Variants in UBN1 observed in about 807,000 individuals in gnomAD.
UBN1 encodes ubinuclein 1, also known as ubinuclein-1.
UBN1 carries 17 observed loss-of-function variants against 108.5 expected under a neutral mutation model. The observed-to-expected ratio is 0.16, with a 90% CI of 0.11 to 0.24. The LOEUF is 0.24. UBN1 is among the 10% of genes least tolerant of loss of function. The probability of loss-of-function intolerance (pLI) is 1.00; values close to 1 mark genes in which losing one functional copy is unlikely to be tolerated. For missense variants in UBN1, 1,595 were observed against 1,394.4 expected (o/e 1.14, Z -2.29); for synonymous variants, 726 against 564.2 (o/e 1.29, Z -4.07).
intron 7 of UBN1, among the ~76,000 whole-genome samples, chr16:4,866,913 A>G (rs937057010): frequency 6.6e-6 from 1 of 152,192 alleles, no homozygotes; most frequent in African/African-American, 2.4e-5. Context: ...AAGCTTTGTG[A>G]TGTGTGGACG....
rs756246646 is a variant in UBN1 at position 4,859,897 on chromosome 16, AAAG to A, written c.609_611del (p.Lys205del). 1.9e-6 allele frequency: 3 copies of A among 1,614,154 alleles called. No individual in the cohort carries two copies. Among genetic ancestry groups the A allele is most frequent in the African/African-American group, 1.3e-5 (1 of 75,062 alleles). On this transcript the variant is annotated inframe_deletion, in exon 6 of 18. Transcript: ENST00000262376. Reference sequence around the variant, plus strand: ...AGTTGAAGGAAGGTGGTGAGAAGATAAAGAAGAAGAAAAAAGATGACACTTATG... The same window carrying A: ...AGTTGAAGGAAGGTGGTGAGAAGATAAAGAAGAAAAAAGATGACACTTATG...
chr16:4,875,710 G>A (rs1004171582), intron 15 of UBN1, among the ~76,000 whole-genome samples: 1 of 152,202 alleles, frequency 6.6e-6, no homozygotes, highest in Non-Finnish European at 1.5e-5. Flanking sequence ...GAGGCTGTCT[G>A]TGTGGCACAG....
chr16:4,866,287 C>G (rs1298875379), intron 7 of UBN1, among the ~76,000 whole-genome samples: 1 of 152,150 alleles, frequency 6.6e-6, no homozygotes. Context: ...GGATTTCACC[C>G]CTCTGGGCTT....
chr16:4,877,232 C>T lies in UBN1; in HGVS notation c.3265+121C>T, dbSNP rs569616785. 63 of 1,513,864 alleles carry T rather than the reference C, an allele frequency of 4.2e-5. No homozygotes were observed. The East Asian group carries it at 9.1e-4, about 22-fold the overall frequency. 93.8% of individuals were successfully genotyped at this position (1,513,864 alleles called of 1,614,324 possible). A position where few individuals can be genotyped will look rare whatever the true frequency, so the allele number is the denominator to read the frequency against. ...GGTGTGTGACTGTGGGGAACATCTC[C>T]GGGAACTGTGCCAAGCCCCCACTGC... is the stretch of plus-strand genomic sequence containing the variant. On this transcript the variant is annotated intron_variant, in intron 16 of 17. Transcript: ENST00000262376. The surrounding 1 kb of genome is among the most constrained non-coding windows in gnomAD (Gnocchi z 4.3).
chr16:4,870,811 T>A, intron 10 of UBN1, 33 bp from the exon 11 acceptor site: 1 of 1,612,308 alleles, frequency 6.2e-7, no homozygotes, highest in Non-Finnish European at 8.5e-7. Flanking sequence ...CAGGAGCACC[T>A]TGGGGCCCCA....
At chr16:4,860,633 T>G in intron 6 of UBN1, 31 bp from the exon 7 acceptor site, 1 of 1,587,376 alleles carries the variant, frequency 6.3e-7, no homozygotes, top group South Asian at 1.1e-5. Context: ...TGTCCTATAG[T>G]CTGAGTGACC....
intron 1 of UBN1, among the ~76,000 whole-genome samples, chr16:4,848,814 A>C (rs973404215): frequency 2.0e-5 from 3 of 152,208 alleles, no homozygotes; most frequent in Non-Finnish European, 4.4e-5. Context: ...AAAAACATGA[A>C]TCTTGGCCGG....
intron 10 of UBN1, 36 bp downstream of exon 10, chr16:4,870,670 C>T: frequency 6.2e-7 from 1 of 1,611,748 alleles, no homozygotes; most frequent in South Asian, 1.1e-5. Flanking sequence ...TGCAACCCTC[C>T]CGTCTTGCCT....
intron 1 of UBN1, among the ~76,000 whole-genome samples, chr16:4,848,765 A>G (rs2086353461): frequency 6.6e-6 from 1 of 152,246 alleles, no homozygotes; most frequent in African/African-American, 2.4e-5. Flanking sequence ...AAAAATTCTG[A>G]ATTTGTGAGG....
In UBN1 at chr16:4,853,029, T is replaced by C; in HGVS notation, c.112T>C (p.Cys38Arg). 1.2e-6 allele frequency: 2 copies of C among 1,614,248 alleles called. No individual in the cohort carries two copies. The highest frequency in any genetic ancestry group is 1.1e-5 in the South Asian group (1 of 91,090). Reference sequence around the variant, plus strand: ...TGGGGCAGGAGAACAGCATCAGGACTGTGAGCCGGCTGCAGCAGCTGTTCG... The same window carrying C: ...TGGGGCAGGAGAACAGCATCAGGACCGTGAGCCGGCTGCAGCAGCTGTTCG... ...EAGAGEQHQD[C>R]EPAAAAVRIT... The change falls in exon 2 of 18, where the codon TGT becomes CGT. Residue 38 changes from cysteine (C) to arginine (R), a missense_variant. Cys to Arg is a radical substitution (Grantham distance 180). Coordinates refer to ENST00000262376, the MANE Select transcript of UBN1 (RefSeq NM_001079514.3).
intron 5 of UBN1, among the ~76,000 whole-genome samples, chr16:4,859,427 C>T (rs1042236717): frequency 2.0e-5 from 3 of 152,172 alleles, no homozygotes; most frequent in African/African-American, 2.4e-5. Flanking sequence ...GAGGTGGCCT[C>T]AGGGTGGGAA....
At chr16:4,867,563 G>A (rs1271930138) in intron 7 of UBN1, among the ~76,000 whole-genome samples, 1 of 152,162 alleles carries the variant, frequency 6.6e-6, no homozygotes, top group Admixed American at 6.5e-5. Context: ...TTAGATGAGA[G>A]GATTTAGGGC....
rs777989758 is a variant in UBN1, at chr16:4,860,882, C to T, written c.890C>T (p.Ser297Phe). Residue 297 changes from serine (S) to phenylalanine (F), a missense_variant, in exon 7 of 18, where the codon TCT becomes TTT. By Grantham distance (155) the Ser-to-Phe change is radical. This residue lies in a region of UBN1 where 1,398 missense variants were observed against 1,194.7 expected (regional missense o/e 1.17). Transcript: ENST00000262376. ...DPLLSLFGST[S>F]DNDLLQAATA... ...TTGCTCTCACTCTTTGGCTCTACTT[C>T]TGACAACGACTTGCTCCAGGCGGCC... 1 of 1,614,164 alleles carries T rather than the reference C, an allele frequency of 6.2e-7. No individual in the cohort carries two copies. The highest frequency in any genetic ancestry group is 1.7e-5 in the Admixed American group (1 of 60,018).
intron 2 of UBN1, among the ~76,000 whole-genome samples, chr16:4,854,989 T>C (rs1239338749): frequency 6.6e-6 from 1 of 152,230 alleles, no homozygotes; most frequent in East Asian, 1.9e-4. Flanking sequence ...CCCAAAGTGC[T>C]GGGATTACAG....
intron 7 of UBN1, among the ~76,000 whole-genome samples, chr16:4,865,820 A>G (rs1407133103): frequency 6.6e-6 from 1 of 151,920 alleles, no homozygotes; most frequent in Non-Finnish European, 1.5e-5. Context: ...AAATTAGCCG[A>G]ACATGGGGGT....
rs2086253497 is a variant in UBN1 at position 4,847,540 on chromosome 16, C to T, written c.-710C>T. ...AAGCGCCCGCGGTCTGAGGCGGCGG[C>T]GGCGGCGACGGTGCGACCGGCTGAG... On this transcript the variant is annotated 5_prime_UTR_variant, in exon 1 of 18. Coordinates refer to ENST00000262376, the MANE Select transcript of UBN1 (RefSeq NM_001079514.3). 3 of 455,930 alleles carry T rather than the reference C, an allele frequency of 6.6e-6. No individual in the cohort carries two copies. The highest frequency in any genetic ancestry group is 4.7e-5 in the Admixed American group (1 of 21,288). The allele number at this position is 455,930 out of a possible 1,614,324, so 28.2% of individuals were successfully genotyped here. A position where few individuals can be genotyped will look rare whatever the true frequency, so the allele number is the denominator to read the frequency against.
chr16:4,870,267 T>C lies in UBN1; in HGVS notation c.1237T>C (p.Tyr413His). Residue 413 changes from tyrosine to histidine, a missense_variant, in exon 9 of 18, where the codon TAT becomes CAT. By Grantham distance (83) the Tyr-to-His change is moderately conservative. Transcript: ENST00000262376. ...TCAGGTCCGCTCTGGGGTGTATGCC[T>C]ATCTTGCGTCATTCCTGCCCTGCAG... ...SSQVRSGVYA[Y>H]LASFLPCSKD... 1.9e-6 allele frequency: 3 copies of C among 1,614,238 alleles called. No homozygotes were observed. The highest frequency in any genetic ancestry group is 2.2e-5 in the East Asian group (1 of 44,880).
chr16:4,870,148 T>C (rs1436022494), intron 8 of UBN1, 64 bp from the exon 9 acceptor site: 4 of 1,604,124 alleles, frequency 2.5e-6, no homozygotes, highest in African/African-American at 1.3e-5. Flanking sequence ...CCACGTACGG[T>C]GAGCTGATGA....
intron 7 of UBN1, among the ~76,000 whole-genome samples, chr16:4,861,388 C>CT (rs1377236713): frequency 2.0e-5 from 3 of 152,218 alleles, no homozygotes; most frequent in African/African-American, 7.2e-5. Context: ...CACACGGCAT[C>CT]TTTTCCTTCA....
Sources: allele counts gnomAD v4.1 joint callset (sites outside exome capture counted in the v4.1 genomes callset), GRCh38; gene constraint gnomAD v4.1.1; regional missense constraint gnomAD v4.1.1; non-coding constraint Gnocchi (gnomAD v3.1); transcripts MANE v1.5; gene names NCBI Gene and HGNC (gene_info 2026-07-23, HGNC 2026-07-21).